Variants in CSMD1 observed in about 807,000 individuals in gnomAD.
The protein encoded by CSMD1 is CUB and sushi domain-containing protein 1.
Under a neutral mutation model 417.5 loss-of-function variants are expected in CSMD1, and 213 were observed. That is an observed-to-expected ratio of 0.51 (90% confidence interval 0.46 to 0.57). The LOEUF is 0.57. CSMD1 is among the 20% of genes least tolerant of loss of function. The pLI, the probability that CSMD1 is intolerant of heterozygous loss-of-function variation, is 0.00. For missense variants in CSMD1, 6,923 were observed against 4,529.7 expected, an observed-to-expected ratio of 1.53 and a Z score of -15.17; for synonymous variants, 2,862 against 1,736.8, an observed-to-expected ratio of 1.65 and a Z score of -16.11.
chr8:3,532,341 G>C (rs897499817), intron 10 of CSMD1, among the ~76,000 whole-genome samples: 1 of 152,104 alleles, frequency 6.6e-6, no homozygotes, highest in Admixed American at 6.5e-5. Context: ...GAATCTCCTG[G>C]CTATTGGCAC....
At chr8:3,277,377 G>T (rs991121282) in intron 26 of CSMD1, among the ~76,000 whole-genome samples, 4 of 152,172 alleles carry the variant, frequency 2.6e-5, no homozygotes, top group African/African-American at 9.7e-5. Flanking sequence ...GCAGGTGCAT[G>T]AAGAAGGAAG....
At chr8:3,141,565 C>G (rs1049073675) in intron 41 of CSMD1, among the ~76,000 whole-genome samples, 1 of 152,102 alleles carries the variant, frequency 6.6e-6, no homozygotes, top group Non-Finnish European at 1.5e-5. Flanking sequence ...CCAAATTGCT[C>G]CTGGGATCAC....
At chr8:4,260,694 C>T (rs760879913) in intron 3 of CSMD1, among the ~76,000 whole-genome samples, 1 of 152,064 alleles carries the variant, frequency 6.6e-6, no homozygotes, top group African/African-American at 2.4e-5. Context: ...ATCCAAAATT[C>T]CCATGTCGTT....
intron 40 of CSMD1, among the ~76,000 whole-genome samples, chr8:3,143,148 G>A (rs906965210): frequency 6.6e-6 from 1 of 151,952 alleles, no homozygotes; most frequent in Non-Finnish European, 1.5e-5. Flanking sequence ...ATGCCACAGA[G>A]TTTTTTTTGT....
chr8:3,970,360 T>C (rs554557448), intron 5 of CSMD1, among the ~76,000 whole-genome samples: 1 of 152,250 alleles, frequency 6.6e-6, no homozygotes, highest in South Asian at 2.1e-4. Context: ...AGCAGCTCAT[T>C]TTGCAACTCC....
At chr8:3,401,885 ACTT>A (rs1812059804) in intron 15 of CSMD1, among the ~76,000 whole-genome samples, 3 of 152,084 alleles carry the variant, frequency 2.0e-5, no homozygotes, top group African/African-American at 7.2e-5. Context: ...GTTCATACTC[ACTT>A]AGCTGATAAC....
chr8:3,170,239 GCT>G (rs1820492327), intron 37 of CSMD1, among the ~76,000 whole-genome samples: 1 of 152,018 alleles, frequency 6.6e-6, no homozygotes, highest in African/African-American at 2.4e-5. Flanking sequence ...ACGGAGTCTC[GCT>G]CTGTGGCCCA....
intron 1 of CSMD1, among the ~76,000 whole-genome samples, chr8:4,699,735 G>A (rs891581746): frequency 1.3e-5 from 2 of 152,172 alleles, no homozygotes; most frequent in African/African-American, 4.8e-5. Flanking sequence ...AATTTCTACT[G>A]TGATTCATGG....
intron 10 of CSMD1, among the ~76,000 whole-genome samples, chr8:3,520,039 T>TATATATATATATATATACAC (rs545212684): frequency 6.8e-6 from 1 of 147,110 alleles, no homozygotes; most frequent in African/African-American, 2.6e-5. Flanking sequence ...TATATATATA[T>TATATATATATATATATACAC]ACACGTATAG....
chr8:4,759,152 G>C (rs1320583241), intron 1 of CSMD1, among the ~76,000 whole-genome samples: 1 of 152,152 alleles, frequency 6.6e-6, no homozygotes, highest in Non-Finnish European at 1.5e-5. Context: ...ATTTGTAAAG[G>C]CCTCAGCCTG....
intron 6 of CSMD1, among the ~76,000 whole-genome samples, chr8:3,739,442 G>A (rs189279454): frequency 6.6e-6 from 1 of 152,128 alleles, no homozygotes; most frequent in Non-Finnish European, 1.5e-5. Flanking sequence ...AATGTTTGAA[G>A]TGATGCACCC....
chr8:3,415,032 G>A (rs922084493), intron 12 of CSMD1, among the ~76,000 whole-genome samples: 1 of 152,150 alleles, frequency 6.6e-6, no homozygotes, highest in African/African-American at 2.4e-5. Context: ...CCTGTTCAGA[G>A]TCAACACACA....
chr8:3,544,122 A>T (rs1173620820), intron 10 of CSMD1, among the ~76,000 whole-genome samples: 1 of 152,074 alleles, frequency 6.6e-6, no homozygotes. Context: ...GGCTTGGTAA[A>T]ACGAGCCTGG....
chr8:3,158,838 G>C (rs530962492), intron 38 of CSMD1, among the ~76,000 whole-genome samples: 1 of 151,910 alleles, frequency 6.6e-6, no homozygotes, highest in Non-Finnish European at 1.5e-5. Context: ...TGGCATAGAG[G>C]CAATTGAAAA....
At chr8:3,357,674 T>G (rs1469787694) in intron 21 of CSMD1, among the ~76,000 whole-genome samples, 1 of 152,184 alleles carries the variant, frequency 6.6e-6, no homozygotes, top group Non-Finnish European at 1.5e-5. Context: ...TTCATTGAGT[T>G]GGGGGTTTTG....
intron 1 of CSMD1, among the ~76,000 whole-genome samples, chr8:4,841,810 C>T (rs971430549): frequency 5.5e-5 from 8 of 144,932 alleles, no homozygotes; most frequent in African/African-American, 2.0e-4. Context: ...ACTCGGGAGG[C>T]TGAGGCAGGA....
At chr8:3,094,931 A>G (rs1371273843) in intron 47 of CSMD1, among the ~76,000 whole-genome samples, 1 of 152,042 alleles carries the variant, frequency 6.6e-6, no homozygotes, top group African/African-American at 2.4e-5. Context: ...TGTAGAAAAA[A>G]CTTTAAGACC....
At chr8:4,755,812 C>G (rs1307695177) in intron 1 of CSMD1, among the ~76,000 whole-genome samples, 9 of 152,162 alleles carry the variant, frequency 5.9e-5, no homozygotes, top group South Asian at 4.1e-4. Context: ...CTTAACGACA[C>G]TATCTTATTG....
intron 3 of CSMD1, among the ~76,000 whole-genome samples, chr8:4,098,339 A>T (rs1265795790): frequency 6.6e-6 from 1 of 152,206 alleles, no homozygotes; most frequent in African/African-American, 2.4e-5. Flanking sequence ...ATAAATGCGT[A>T]TCATAATAGT....
Sources: allele counts gnomAD v4.1 joint callset (sites outside exome capture counted in the v4.1 genomes callset), GRCh38; gene constraint gnomAD v4.1.1; transcripts MANE v1.5; gene names NCBI Gene and HGNC (gene_info 2026-07-23, HGNC 2026-07-21).